The following NAA35 variants were observed in gnomAD, a reference collection of about 807,000 sequenced individuals.
The protein encoded by NAA35 is MAK10 homolog, amino-acid N-acetyltransferase subunit.
A neutral mutation model predicts 101.7 loss-of-function variants in NAA35; 18 were observed. That is an observed-to-expected ratio of 0.18 (90% CI 0.12 to 0.26). The LOEUF (loss-of-function observed/expected upper bound fraction) is 0.26, where lower values mean the gene tolerates loss of function less well. Among genes scored for constraint, NAA35 ranks in the 10% least tolerant of loss-of-function variants. NAA35 has a pLI of 1.00. For synonymous variants in NAA35, 267 were observed against 273.1 expected, an observed-to-expected ratio of 0.98 and a Z score of 0.22; for missense variants, 601 against 886.8, an observed-to-expected ratio of 0.68 and a Z score of 4.09.
At chr9:85,941,459 C>T (rs1828509887) in intron 1 of NAA35, 186 bp downstream of exon 1, 1 of 985,436 alleles carries the variant, frequency 1.0e-6, no homozygotes, top group Non-Finnish European at 1.2e-6. Context: ...CCACTCTTGC[C>T]CGGTGTTGCC....
In NAA35 at chr9:86,003,611, G is replaced by A; in HGVS notation, c.1083G>A (p.Gln361=). 1 of 1,597,858 alleles carries A rather than the reference G, an allele frequency of 6.3e-7. No individual in the cohort carries two copies. The highest frequency in any genetic ancestry group is 1.1e-5 in the South Asian group (1 of 88,862). Residue 361 remains glutamine (Q), a synonymous_variant, in exon 13 of 23, where the codon CAG becomes CAA. Transcript: ENST00000361671. ...ATTTTTTCTGTGAATTTAGTGAACA[G>A]TCACCATGTGTTCTTTCAAGATCTC... ...ILDFFCEFSE[Q]SPCVLSRSLL...
At chr9:85,956,881 T>C (rs1829301091) in intron 3 of NAA35, among the ~76,000 whole-genome samples, 1 of 152,150 alleles carries the variant, frequency 6.6e-6, no homozygotes, top group Non-Finnish European at 1.5e-5. Flanking sequence ...TAGTGAGAGC[T>C]TTAGGCTGCT....
At chr9:85,953,733 A>G (rs1423136183) in intron 2 of NAA35, among the ~76,000 whole-genome samples, 1 of 151,996 alleles carries the variant, frequency 6.6e-6, no homozygotes, top group African/African-American at 2.4e-5. Flanking sequence ...CTGGCCCTAC[A>G]GTATTATTAT....
intron 6 of NAA35, among the ~76,000 whole-genome samples, chr9:85,965,302 A>G (rs1282133424): frequency 1.3e-5 from 2 of 152,190 alleles, no homozygotes; most frequent in African/African-American, 4.8e-5. Flanking sequence ...GTAGGAGACT[A>G]ATTAAAAGAT....
intron 4 of NAA35, among the ~76,000 whole-genome samples, 160 bp from the exon 5 acceptor site, chr9:85,959,633 G>A (rs1829427100): frequency 6.6e-6 from 1 of 152,082 alleles, no homozygotes; most frequent in African/African-American, 2.4e-5. Context: ...AGAGTACAGA[G>A]TTAATTTGGT....
chr9:85,965,525 G>A (rs1310951360), intron 6 of NAA35, among the ~76,000 whole-genome samples: 1 of 152,136 alleles, frequency 6.6e-6, no homozygotes, highest in Non-Finnish European at 1.5e-5. Context: ...CTACTAGAGA[G>A]GCTGAGGTTG....
chr9:86,016,519 A>G lies in NAA35; in HGVS notation c.1569-20A>G, dbSNP rs1832234386. The G allele has an allele frequency of 5.6e-6, 9 of 1,605,532 alleles. No individual in the cohort carries two copies. In the African/African-American group the frequency reaches 8.0e-5, roughly 14 times the overall value. On this transcript the variant is annotated intron_variant, in intron 17 of 22. Transcript: ENST00000361671. ...CTCATTTAGACATCTACCATTAACT[A>G]ACATTTTGTATCCTTTAAGGTATCT... is the stretch of plus-strand genomic sequence containing the variant.
At chr9:85,994,211 T>C (rs1417821223) in intron 11 of NAA35, among the ~76,000 whole-genome samples, 1 of 152,192 alleles carries the variant, frequency 6.6e-6, no homozygotes, top group Non-Finnish European at 1.5e-5. Flanking sequence ...AGTATACAAT[T>C]CACTAGCATT....
chr9:86,011,324 G>A (rs1831909263), intron 15 of NAA35, among the ~76,000 whole-genome samples: 1 of 151,798 alleles, frequency 6.6e-6, no homozygotes, highest in Non-Finnish European at 1.5e-5. Context: ...ATCTTGTAGT[G>A]AGTTGAATTA....
At chr9:85,942,131 CTT>C in intron 1 of NAA35, 22 bp from the exon 2 acceptor site, 1 of 1,607,306 alleles carries the variant, frequency 6.2e-7, no homozygotes, top group Non-Finnish European at 8.5e-7. Context: ...CATCCTCTCT[CTT>C]ACATCAGTAT....
At chr9:86,005,380 A>G (rs1233534212) in intron 13 of NAA35, among the ~76,000 whole-genome samples, 5 of 152,230 alleles carry the variant, frequency 3.3e-5, no homozygotes, top group African/African-American at 4.8e-5. Flanking sequence ...TACAGCTAAC[A>G]TCATACTTAA....
At chr9:85,984,118 A>G (rs1452292495) in intron 11 of NAA35, among the ~76,000 whole-genome samples, 2 of 152,018 alleles carry the variant, frequency 1.3e-5, no homozygotes, top group African/African-American at 2.4e-5. Context: ...GCATGAGGCC[A>G]GGAATTCAAA....
At chr9:85,999,235 A>C (rs1042936855) in intron 12 of NAA35, among the ~76,000 whole-genome samples, 1 of 152,240 alleles carries the variant, frequency 6.6e-6, no homozygotes, top group Non-Finnish European at 1.5e-5. Flanking sequence ...TAACCAAATT[A>C]GATGACTATA....
chr9:86,008,877 T>G (rs1413932418), intron 14 of NAA35, among the ~76,000 whole-genome samples: 1 of 152,234 alleles, frequency 6.6e-6, no homozygotes, highest in Admixed American at 6.5e-5. Context: ...CAGCTAGTGC[T>G]ATCTGGAATT....
chr9:85,981,273 G>A (rs1226733839), intron 11 of NAA35, among the ~76,000 whole-genome samples: 6 of 152,104 alleles, frequency 3.9e-5, no homozygotes. Context: ...GGGATAAAAT[G>A]TCCACAACTC....
At chr9:85,945,378 A>G (rs1298344441) in intron 2 of NAA35, among the ~76,000 whole-genome samples, 1 of 152,220 alleles carries the variant, frequency 6.6e-6, no homozygotes, top group Admixed American at 6.5e-5. Flanking sequence ...GTCTTGGAAT[A>G]ATCAGATTTG....
chr9:85,988,391 A>G, intron 11 of NAA35, among the ~76,000 whole-genome samples: 1 of 152,360 alleles, frequency 6.6e-6, no homozygotes, highest in East Asian at 1.9e-4. Context: ...GTAATGAATA[A>G]TAGAAAGGGA....
intron 11 of NAA35, among the ~76,000 whole-genome samples, chr9:85,986,231 C>G (rs1019238745): frequency 1.3e-5 from 2 of 152,166 alleles, no homozygotes; most frequent in African/African-American, 4.8e-5. Flanking sequence ...CTTCAGAATG[C>G]ATATGAAAAT....
intron 11 of NAA35, chr9:85,987,047 T>G (rs1938411958): frequency 1.3e-5 from 2 of 153,338 alleles, no homozygotes; most frequent in Non-Finnish European, 2.9e-5. Context: ...AAACTAGTGT[T>G]GTACTGCATT....
Sources: allele counts gnomAD v4.1 joint callset (sites outside exome capture counted in the v4.1 genomes callset), GRCh38; gene constraint gnomAD v4.1.1; transcripts MANE v1.5; gene names NCBI Gene and HGNC (gene_info 2026-07-23, HGNC 2026-07-21).